PDE10A: variants seen among roughly 807,000 people sequenced by gnomAD.
PDE10A encodes phosphodiesterase 10A, also known as cAMP and cAMP-inhibited cGMP 3',5'-cyclic phosphodiesterase 10A.
PDE10A carries 39 observed loss-of-function variants against 97.7 expected under a neutral mutation model. That is an observed-to-expected ratio of 0.40 (90% CI 0.31 to 0.52). PDE10A has a LOEUF of 0.52. Among genes scored for constraint, PDE10A ranks in the 20% least tolerant of loss-of-function variants. The pLI is 0.56. For synonymous variants in PDE10A, 371 were observed against 376.8 expected (o/e 0.98, Z 0.18); for missense variants, 731 against 1,047.8 (o/e 0.70, Z 4.17).
intron 1 of PDE10A, among the ~76,000 whole-genome samples, chr6:165,640,106 G>A (rs139620729): frequency 2.5e-4 from 38 of 151,192 alleles, no homozygotes; most frequent in African/African-American, 8.3e-4. Flanking sequence ...ACCTTGAATC[G>A]ACTAAAGGTC....
intron 2 of PDE10A, among the ~76,000 whole-genome samples, chr6:165,516,346 T>C (rs926500552): frequency 2.0e-5 from 3 of 152,204 alleles, no homozygotes; most frequent in African/African-American, 7.2e-5. Flanking sequence ...TCTTAAAAGA[T>C]TATGTACATG....
intron 19 of PDE10A, among the ~76,000 whole-genome samples, chr6:165,342,736 T>C (rs1347144445): frequency 1.3e-5 from 2 of 152,242 alleles, no homozygotes; most frequent in Non-Finnish European, 2.9e-5. Context: ...AAGGCCTAGG[T>C]ATCCGTGACT....
At chr6:165,426,260 G>A (rs764230815) in intron 10 of PDE10A, among the ~76,000 whole-genome samples, 1 of 152,052 alleles carries the variant, frequency 6.6e-6, no homozygotes, top group Non-Finnish European at 1.5e-5. Flanking sequence ...AAAAGTTAGG[G>A]AACTCACACT....
intron 1 of PDE10A, among the ~76,000 whole-genome samples, chr6:165,929,193 C>T (rs1054284884): frequency 3.3e-5 from 5 of 152,092 alleles, no homozygotes; most frequent in East Asian, 1.9e-4. Flanking sequence ...CTGGTAAAGA[C>T]GTGGTTGGTG....
chr6:165,795,883 C>A (rs75229429), intron 1 of PDE10A, among the ~76,000 whole-genome samples: 3,381 of 152,170 alleles, frequency 0.022, 45 homozygotes, highest in Middle Eastern at 0.085. Flanking sequence ...AAGAATACCA[C>A]CTTACAGTCC....
Position 165,819,569 on chromosome 6 carries a change from C to G in PDE10A, c.-615+167960G>C, listed in dbSNP as rs1281844051. 6.6e-6 allele frequency among the ~76,000 whole-genome samples: 1 copy of G among 152,170 alleles called. No individual in the cohort carries two copies. Among genetic ancestry groups the G allele is most frequent in the Non-Finnish European group, 1.5e-5 (1 of 68,028 alleles). The stretch of plus-strand genomic sequence containing the variant: ...CATTGATTTGTCCTTCAGGCCTCAT[C>G]CACTGCCGCGACCCCCACCCCGAGT... On this transcript the variant is annotated intron_variant, in intron 1 of 19. Transcript: ENST00000366882. This position sits in a 1 kb window ranked among gnomAD's most constrained non-coding sequence, Gnocchi z 4.2.
At chr6:165,481,876 A>G (rs1451987961) in intron 3 of PDE10A, among the ~76,000 whole-genome samples, 2 of 152,236 alleles carry the variant, frequency 1.3e-5, no homozygotes, top group African/African-American at 2.4e-5. Flanking sequence ...TTGGGCAGGT[A>G]GCGGACATGA....
intron 1 of PDE10A, among the ~76,000 whole-genome samples, chr6:165,573,788 C>A (rs1785168351): frequency 6.6e-6 from 1 of 152,156 alleles, no homozygotes. Context: ...ACCTCAATAG[C>A]TGCTTTTTCA....
At chr6:165,958,300 G>A (rs1002337557) in intron 1 of PDE10A, among the ~76,000 whole-genome samples, 15 of 152,014 alleles carry the variant, frequency 9.9e-5, no homozygotes, top group South Asian at 8.3e-4. Context: ...AAAATGACCC[G>A]AATGGGAAAG....
intron 1 of PDE10A, among the ~76,000 whole-genome samples, chr6:165,936,758 G>A (rs529243002): frequency 2.0e-5 from 3 of 152,326 alleles, no homozygotes; most frequent in African/African-American, 4.8e-5. Flanking sequence ...GGCAGCCAAC[G>A]TTGATGGAGA....
At chr6:165,344,355 C>G (rs1190812812) in intron 18 of PDE10A, among the ~76,000 whole-genome samples, 1 of 152,146 alleles carries the variant, frequency 6.6e-6, no homozygotes, top group Non-Finnish European at 1.5e-5. Flanking sequence ...ACAACTTTAG[C>G]TTTTGTAAAG....
intron 1 of PDE10A, among the ~76,000 whole-genome samples, chr6:165,699,444 A>T (rs888849856): frequency 2.0e-5 from 3 of 152,206 alleles, no homozygotes; most frequent in Non-Finnish European, 2.9e-5. Flanking sequence ...GAGACAGAAG[A>T]TCAGATCAAC....
chr6:165,816,812 A>AG (rs1179830931), intron 1 of PDE10A, among the ~76,000 whole-genome samples: 2 of 151,944 alleles, frequency 1.3e-5, no homozygotes, highest in Non-Finnish European at 2.9e-5. Flanking sequence ...TGGGTTCCGG[A>AG]GGGGGGAAGG....
chr6:165,657,972 TATC>T (rs1790049698), intron 1 of PDE10A, among the ~76,000 whole-genome samples: 1 of 152,156 alleles, frequency 6.6e-6, no homozygotes, highest in African/African-American at 2.4e-5. Context: ...GGGTACCTGT[TATC>T]ATTATTTTAA....
At chr6:165,634,572 TGAAAAA>T (rs1281117565) in intron 1 of PDE10A, among the ~76,000 whole-genome samples, 1 of 151,346 alleles carries the variant, frequency 6.6e-6, no homozygotes, top group Non-Finnish European at 1.5e-5. Flanking sequence ...TAAACTGAAA[TGAAAAA>T]GAAGAAAGCA....
chr6:165,720,351 C>T (rs1792134786), intron 1 of PDE10A, among the ~76,000 whole-genome samples: 1 of 151,988 alleles, frequency 6.6e-6, no homozygotes, highest in African/African-American at 2.4e-5. Context: ...TATAAAAGCC[C>T]CGATGTACAA....
chr6:165,644,251 G>C (rs765505039), intron 1 of PDE10A, among the ~76,000 whole-genome samples: 42 of 152,250 alleles, frequency 2.8e-4, no homozygotes, highest in Non-Finnish European at 5.6e-4. Context: ...GTAGAGAACG[G>C]GGTTTCACCG....
At chr6:165,352,603 T>C (rs1782762317) in intron 18 of PDE10A, among the ~76,000 whole-genome samples, 1 of 152,088 alleles carries the variant, frequency 6.6e-6, no homozygotes, top group African/African-American at 2.4e-5. Flanking sequence ...AAAGTTATAG[T>C]TCCATTTTTA....
rs5881656 is a variant in PDE10A at position 165,733,873 on chromosome 6, GAA to G, written c.-614-190307_-614-190306del. On this transcript the variant is annotated intron_variant, in intron 1 of 19. Transcript: ENST00000366882. ...GTAAAGTGACAATCTGGTCTAGGAA[GAA>G]AAAAAAAAACTGGGCCTTTTGGTCA... 1.7e-3 allele frequency among the ~76,000 whole-genome samples: 257 copies of G among 150,438 alleles called. 1 individual carries two copies. Among genetic ancestry groups the G allele is most frequent in the African/African-American group, 5.4e-3 (222 of 41,164 alleles).
Sources: allele counts gnomAD v4.1 joint callset (sites outside exome capture counted in the v4.1 genomes callset), GRCh38; gene constraint gnomAD v4.1.1; non-coding constraint Gnocchi (gnomAD v3.1); transcripts MANE v1.5; gene names NCBI Gene and HGNC (gene_info 2026-07-23, HGNC 2026-07-21).